Variants in RUNDC3B observed in about 807,000 individuals in gnomAD.
RUNDC3B encodes the protein RUN domain containing 3B.
A neutral mutation model predicts 58.4 loss-of-function variants in RUNDC3B; 33 were observed. The observed-to-expected ratio is 0.56, with a 90% CI of 0.43 to 0.75. RUNDC3B has a LOEUF of 0.75. RUNDC3B is among the 30% of genes least tolerant of loss of function. The probability of loss-of-function intolerance (pLI) is 0.00; values close to 1 mark genes in which losing one functional copy is unlikely to be tolerated. For missense variants in RUNDC3B, 501 were observed against 535.7 expected (o/e 0.94, Z 0.64); for synonymous variants, 193 against 195.2 (o/e 0.99, Z 0.10).
At chr7:87,633,114 T>C (rs1281706643) in intron 1 of RUNDC3B, among the ~76,000 whole-genome samples, 1 of 152,226 alleles carries the variant, frequency 6.6e-6, no homozygotes, top group African/African-American at 2.4e-5. Context: ...ACCTCAGTTT[T>C]TCCATTATAG....
At chr7:87,665,510 C>G (rs1825135902) in intron 2 of RUNDC3B, among the ~76,000 whole-genome samples, 1 of 151,968 alleles carries the variant, frequency 6.6e-6, no homozygotes, top group Admixed American at 6.6e-5. Flanking sequence ...TCCATACTAC[C>G]CAAAGTGACC....
intron 8 of RUNDC3B, among the ~76,000 whole-genome samples, chr7:87,793,133 C>G (rs552160385): frequency 4.6e-5 from 7 of 152,160 alleles, no homozygotes; most frequent in African/African-American, 1.7e-4. Context: ...TACAACCTAC[C>G]ATTATTGAAC....
At chr7:87,658,614 G>GAA (rs1824368340) in intron 2 of RUNDC3B, among the ~76,000 whole-genome samples, 1 of 152,024 alleles carries the variant, frequency 6.6e-6, no homozygotes, top group Non-Finnish European at 1.5e-5. Flanking sequence ...TAAAGACAAA[G>GAA]AAAAAATGTT....
rs577001290 is a variant in RUNDC3B, at chr7:87,792,389, C to A, written c.956+14434C>A. Among the ~76,000 whole-genome samples the A allele has an allele frequency of 2.0e-5, 3 of 152,258 alleles. No homozygotes were observed. The South Asian group carries it at 6.2e-4, about 32-fold the overall frequency. ...TCTCATAGATATTTACAGAACATTT[C>A]ATCCAATGGCTAGAGAATACATGTT... On this transcript the variant is annotated intron_variant, in intron 8 of 10. Transcript: ENST00000394654.
chr7:87,704,684 G>T (rs184667568), intron 3 of RUNDC3B, among the ~76,000 whole-genome samples: 128 of 152,302 alleles, frequency 8.4e-4, no homozygotes, highest in African/African-American at 3.0e-3. Context: ...TCCAAATCCT[G>T]CATTTATATC....
chr7:87,708,799 G>A (rs543541174), intron 3 of RUNDC3B, among the ~76,000 whole-genome samples: 18 of 152,218 alleles, frequency 1.2e-4, no homozygotes, highest in Admixed American at 3.9e-4. Context: ...TGTGCATAAA[G>A]TAGGGATAGT....
intron 8 of RUNDC3B, among the ~76,000 whole-genome samples, chr7:87,789,855 C>T (rs1337840355): frequency 1.3e-5 from 2 of 152,166 alleles, no homozygotes; most frequent in East Asian, 1.9e-4. Context: ...CCAGCTTACC[C>T]TCAGTATAAC....
chr7:87,685,537 G>C (rs1051003706), intron 2 of RUNDC3B, among the ~76,000 whole-genome samples: 11 of 152,078 alleles, frequency 7.2e-5, no homozygotes, highest in Non-Finnish European at 8.8e-5. Flanking sequence ...ACAACAACAT[G>C]TATAAATGTC....
At chr7:87,685,689 T>G (rs1461493660) in intron 2 of RUNDC3B, among the ~76,000 whole-genome samples, 1 of 152,020 alleles carries the variant, frequency 6.6e-6, no homozygotes, top group Admixed American at 6.6e-5. Context: ...AGGGTGGGGG[T>G]TGACAAGCAT....
chr7:87,731,036 T>G (rs963101981), intron 4 of RUNDC3B, among the ~76,000 whole-genome samples: 2 of 152,160 alleles, frequency 1.3e-5, no homozygotes, highest in Non-Finnish European at 2.9e-5. Flanking sequence ...GATGCCTACG[T>G]GGCTACAGTG....
chr7:87,751,094 A>G (rs1584099986), intron 6 of RUNDC3B, among the ~76,000 whole-genome samples: 2 of 152,222 alleles, frequency 1.3e-5, no homozygotes, highest in South Asian at 4.1e-4. Flanking sequence ...AGCTTTCTAC[A>G]TATGGCTAGC....
intron 6 of RUNDC3B, among the ~76,000 whole-genome samples, chr7:87,751,829 A>G (rs1369170328): frequency 6.6e-6 from 1 of 152,070 alleles, no homozygotes; most frequent in Non-Finnish European, 1.5e-5. Context: ...AACAGGGACA[A>G]TTTGACTTCC....
intron 9 of RUNDC3B, among the ~76,000 whole-genome samples, chr7:87,811,457 C>T (rs939506614): frequency 6.6e-6 from 1 of 152,018 alleles, no homozygotes; most frequent in Non-Finnish European, 1.5e-5. Flanking sequence ...CCTCAGCCTC[C>T]CGAGTAGCTG....
intron 10 of RUNDC3B, among the ~76,000 whole-genome samples, chr7:87,817,444 T>G (rs892424835): frequency 6.6e-6 from 1 of 152,182 alleles, no homozygotes; most frequent in Non-Finnish European, 1.5e-5. Flanking sequence ...TTTCCTAGCC[T>G]CCTACTTGAC....
At chr7:87,726,994 T>G (rs1319150322) in intron 4 of RUNDC3B, among the ~76,000 whole-genome samples, 1 of 152,038 alleles carries the variant, frequency 6.6e-6, no homozygotes, top group African/African-American at 2.4e-5. Context: ...TGGGCTGAGA[T>G]GATGGGGTTT....
At chr7:87,732,451 A>G (rs1184484208) in intron 4 of RUNDC3B, among the ~76,000 whole-genome samples, 1 of 152,200 alleles carries the variant, frequency 6.6e-6, no homozygotes, top group Non-Finnish European at 1.5e-5. Flanking sequence ...CCTTACCTTC[A>G]AGACTGAAGA....
chr7:87,821,486 A>G (rs1309220548), intron 10 of RUNDC3B, among the ~76,000 whole-genome samples: 7 of 152,240 alleles, frequency 4.6e-5, no homozygotes, highest in Non-Finnish European at 7.3e-5. Context: ...TACAGATTCA[A>G]TGCCACCCCC....
intron 6 of RUNDC3B, among the ~76,000 whole-genome samples, chr7:87,762,912 A>T (rs897829453): frequency 1.3e-5 from 2 of 151,464 alleles, no homozygotes; most frequent in African/African-American, 4.8e-5. Flanking sequence ...TTTGTCTTTT[A>T]ACTGAAGTGC....
intron 2 of RUNDC3B, among the ~76,000 whole-genome samples, chr7:87,668,460 G>T (rs1274359155): frequency 6.6e-6 from 1 of 151,010 alleles, no homozygotes; most frequent in Non-Finnish European, 1.5e-5. Context: ...TCTTTTGATT[G>T]TTTTTTTTGT....
Sources: gnomAD v4.1 joint callset for allele counts (sites outside exome capture counted in the v4.1 genomes callset) on GRCh38, gnomAD v4.1.1 for gene constraint, MANE v1.5 for transcripts, NCBI Gene and HGNC (gene_info 2026-07-23, HGNC 2026-07-21) for gene names.